Variants in CTNNA3 observed in about 807,000 individuals in gnomAD.
The protein encoded by CTNNA3 is catenin alpha 3, also known as catenin alpha-3.
CTNNA3 carries 76 observed loss-of-function variants against 95.7 expected under a neutral mutation model. The observed-to-expected ratio is 0.79, with a 90% CI of 0.66 to 0.96. The LOEUF is 0.96. CTNNA3 is among the 40% of genes least tolerant of loss of function. The probability of loss-of-function intolerance (pLI) is 0.00; values close to 1 mark genes in which losing one functional copy is unlikely to be tolerated. For missense variants in CTNNA3, 1,191 were observed against 1,089.8 expected (o/e 1.09, Z -1.31); for synonymous variants, 431 against 374.4 (o/e 1.15, Z -1.74).
intron 7 of CTNNA3, among the ~76,000 whole-genome samples, chr10:67,146,758 T>C (rs1326547854): frequency 3.3e-5 from 5 of 152,212 alleles, no homozygotes; most frequent in Non-Finnish European, 7.4e-5. Flanking sequence ...CATCATGTAC[T>C]ATAATTTATA....
intron 2 of CTNNA3, among the ~76,000 whole-genome samples, chr10:67,627,827 C>T (rs1839008400): frequency 6.6e-6 from 1 of 151,658 alleles, no homozygotes; most frequent in Admixed American, 6.6e-5. Context: ...ACTAGGGTTA[C>T]TAAGAGTTAC....
chr10:67,216,547 T>C (rs1864371393), intron 6 of CTNNA3, among the ~76,000 whole-genome samples: 1 of 152,222 alleles, frequency 6.6e-6, no homozygotes, highest in Non-Finnish European at 1.5e-5. Flanking sequence ...CATTCATTGA[T>C]ATTTACCTAG....
chr10:65,945,771 T>C (rs1228894420), intron 17 of CTNNA3, among the ~76,000 whole-genome samples: 1 of 152,162 alleles, frequency 6.6e-6, no homozygotes, highest in African/African-American at 2.4e-5. Context: ...ACCTTCTTCA[T>C]TGGTTTGAAG....
At chr10:66,922,278 T>C (rs1054280005) in intron 7 of CTNNA3, among the ~76,000 whole-genome samples, 2 of 152,208 alleles carry the variant, frequency 1.3e-5, no homozygotes, top group Non-Finnish European at 2.9e-5. Flanking sequence ...AAATACATAA[T>C]GCAATATAAT....
rs557045310 is a variant in CTNNA3 at position 66,341,934 on chromosome 10, G to A, written c.1732+37218C>T. The stretch of plus-strand genomic sequence containing the variant: ...AGATTAATATTCATAGCACATTTAT[G>A]AAGTAGGCATCATTATGTGTGTGTG... On this transcript the variant is annotated intron_variant, in intron 12 of 17. Coordinates refer to ENST00000433211, the MANE Select transcript of CTNNA3 (RefSeq NM_013266.4). 2.2e-4 allele frequency among the ~76,000 whole-genome samples: 34 copies of A among 151,584 alleles called. 1 individual carries two copies. Among genetic ancestry groups the A allele is most frequent in the African/African-American group, 8.2e-4 (34 of 41,460 alleles).
intron 9 of CTNNA3, among the ~76,000 whole-genome samples, chr10:66,688,698 G>A (rs995975092): frequency 1.4e-4 from 22 of 152,184 alleles, no homozygotes; most frequent in South Asian, 8.3e-4. Flanking sequence ...CCGGCCGGGC[G>A]CGGTGGCTCA....
At chr10:67,094,642 A>G (rs1857857511) in intron 7 of CTNNA3, among the ~76,000 whole-genome samples, 1 of 151,808 alleles carries the variant, frequency 6.6e-6, no homozygotes, top group African/African-American at 2.4e-5. Flanking sequence ...CATACCTTGT[A>G]CTACATCTGT....
intron 7 of CTNNA3, among the ~76,000 whole-genome samples, chr10:67,051,082 C>G (rs927019006): frequency 6.6e-6 from 1 of 152,142 alleles, no homozygotes; most frequent in Non-Finnish European, 1.5e-5. Flanking sequence ...TTTACAGATA[C>G]AAATTAACCA....
intron 12 of CTNNA3, among the ~76,000 whole-genome samples, chr10:66,300,878 C>T (rs746598613): frequency 9.0e-4 from 136 of 151,044 alleles, no homozygotes; most frequent in Middle Eastern, 6.9e-3. Context: ...AGAAAGTCAA[C>T]AAAATCAAAA....
chr10:66,766,395 G>T lies in CTNNA3; in HGVS notation c.1150C>A (p.His384Asn), dbSNP rs1265408897. Residue 384 changes from histidine (H) to asparagine (N), a missense_variant, in exon 9 of 18, where the codon CAT becomes AAT. His to Asn is a moderately conservative substitution (Grantham distance 68). Transcript: ENST00000433211. ...RRQLRKAIIDHVSDSFLDTTV... is the reference protein window; with the variant it reads ...RRQLRKAIIDNVSDSFLDTTV... Reference sequence around the variant, plus strand: ...GTATCCAGGAAAGAGTCTGACACATGATCTATAATAGCCTTGCGGAGCTGA... The same window carrying T: ...GTATCCAGGAAAGAGTCTGACACATTATCTATAATAGCCTTGCGGAGCTGA... 1 of 1,613,520 alleles carries T rather than the reference G, an allele frequency of 6.2e-7. No homozygotes were observed. The highest frequency in any genetic ancestry group is 8.5e-7 in the Non-Finnish European group (1 of 1,179,732).
At chr10:67,682,175 A>T (rs1282586908) in intron 1 of CTNNA3, among the ~76,000 whole-genome samples, 1 of 151,602 alleles carries the variant, frequency 6.6e-6, no homozygotes, top group Non-Finnish European at 1.5e-5. Flanking sequence ...AAAAAAAAAA[A>T]ATTTAGCCCA....
At chr10:66,896,070 C>T (rs1817566663) in intron 7 of CTNNA3, among the ~76,000 whole-genome samples, 2 of 151,940 alleles carry the variant, frequency 1.3e-5, no homozygotes, top group Admixed American at 1.3e-4. Flanking sequence ...GCACTCCAGC[C>T]TGGGCAACAA....
At chr10:66,228,279 C>A (rs1225623772) in intron 13 of CTNNA3, among the ~76,000 whole-genome samples, 1 of 151,828 alleles carries the variant, frequency 6.6e-6, no homozygotes, top group Non-Finnish European at 1.5e-5. Flanking sequence ...TATTTGAAAT[C>A]TTTCTTTTTT....
intron 9 of CTNNA3, among the ~76,000 whole-genome samples, chr10:66,667,089 A>G (rs759504284): frequency 2.0e-5 from 3 of 152,096 alleles, no homozygotes; most frequent in Non-Finnish European, 4.4e-5. Context: ...AAAACTATCT[A>G]TCTAACCTAC....
intron 11 of CTNNA3, among the ~76,000 whole-genome samples, chr10:66,389,749 GA>G (rs1589180571): frequency 6.6e-6 from 1 of 151,628 alleles, no homozygotes; most frequent in East Asian, 2.0e-4. Context: ...GAGAGAGAGA[GA>G]GAGAGAGAGA....
At chr10:66,239,112 T>C (rs2089992136) in intron 13 of CTNNA3, among the ~76,000 whole-genome samples, 1 of 151,798 alleles carries the variant, frequency 6.6e-6, no homozygotes, top group Non-Finnish European at 1.5e-5. Flanking sequence ...CTATAATATA[T>C]TTATAAGAGT....
chr10:66,664,472 G>T (rs2132451786), intron 9 of CTNNA3, among the ~76,000 whole-genome samples: 1 of 152,222 alleles, frequency 6.6e-6, no homozygotes, highest in South Asian at 2.1e-4. Context: ...GAGAAGAGAA[G>T]ATCTTGGCCT....
At chr10:66,845,754 T>TAC (rs140313786) in intron 7 of CTNNA3, among the ~76,000 whole-genome samples, 12,629 of 108,250 alleles carry the variant, frequency 0.12, 877 homozygotes, top group Non-Finnish European at 0.16. Flanking sequence ...TATATATACA[T>TAC]ACACACACAC....
intron 7 of CTNNA3, among the ~76,000 whole-genome samples, chr10:67,068,055 C>T (rs559754335): frequency 2.6e-5 from 4 of 152,256 alleles, no homozygotes; most frequent in African/African-American, 9.6e-5. Flanking sequence ...GAAATAAATG[C>T]CGGGTTCATT....
Sources: allele counts gnomAD v4.1 joint callset (sites outside exome capture counted in the v4.1 genomes callset), GRCh38; gene constraint gnomAD v4.1.1; transcripts MANE v1.5; gene names NCBI Gene and HGNC (gene_info 2026-07-23, HGNC 2026-07-21).